The following KMT2C variants were observed in gnomAD, a reference collection of about 807,000 sequenced individuals.
KMT2C encodes the protein lysine methyltransferase 2C.
Under a neutral mutation model 507.9 loss-of-function variants are expected in KMT2C, and 88 were observed. The observed-to-expected ratio is 0.17, with a 90% CI of 0.15 to 0.21. The LOEUF is 0.21. KMT2C is among the 10% of genes least tolerant of loss of function. The pLI, the probability that KMT2C is intolerant of heterozygous loss-of-function variation, is 1.00. For missense variants in KMT2C, 4,954 were observed against 5,957.8 expected, an observed-to-expected ratio of 0.83 and a Z score of 5.55; for synonymous variants, 2,049 against 2,080.8, an observed-to-expected ratio of 0.98 and a Z score of 0.42.
chr7:152,181,067 A>G lies in KMT2C; in HGVS notation c.6793T>C (p.Leu2265=), dbSNP rs1445894444. ...GAACATGTATCAGGTGGCCTTACCA[A>G]CGGGCCAGGTAAAGCTGGTCCTCGG... ...QNRGPALPGP[L]VRPPDTCSQT... The change falls in exon 36 of 59, where the codon TTG becomes CTG. Residue 2265 remains leucine (L), a synonymous_variant. Coordinates refer to ENST00000262189, the MANE Select transcript of KMT2C (RefSeq NM_170606.3). The G allele has an allele frequency of 6.2e-7, 1 of 1,614,206 alleles. No individual in the cohort carries two copies. Among genetic ancestry groups the G allele is most frequent in the South Asian group, 1.1e-5 (1 of 91,080 alleles).
chr7:152,195,624 G>A (rs2093939047), intron 28 of KMT2C: 1 of 803,510 alleles, frequency 1.2e-6, no homozygotes, highest in African/African-American at 1.9e-5. Context: ...AGGAAGTGAG[G>A]GAAAATACAA....
intron 1 of KMT2C, among the ~76,000 whole-genome samples, chr7:152,389,374 A>G (rs1333645455): frequency 6.7e-6 from 1 of 150,206 alleles, no homozygotes; most frequent in African/African-American, 2.5e-5. Context: ...AAAAAAAAAT[A>G]CTGTCACTTA....
intron 2 of KMT2C, among the ~76,000 whole-genome samples, chr7:152,353,317 C>G (rs2097128312): frequency 6.6e-6 from 1 of 152,090 alleles, no homozygotes; most frequent in Non-Finnish European, 1.5e-5. Context: ...CCCAGCTACT[C>G]GGGAGGCTGA....
chr7:152,247,451 G>C (rs557596917), intron 14 of KMT2C, among the ~76,000 whole-genome samples: 1 of 152,218 alleles, frequency 6.6e-6, no homozygotes, highest in Non-Finnish European at 1.5e-5. Context: ...AAATTCCCCA[G>C]CATGGAAAAT....
chr7:152,140,699 G>T (rs540042448), intron 55 of KMT2C, among the ~76,000 whole-genome samples: 2 of 152,234 alleles, frequency 1.3e-5, no homozygotes, highest in East Asian at 3.9e-4. Flanking sequence ...CATTCTAGTC[G>T]GAATTACTAG....
chr7:152,223,708 C>T (rs1286458706), intron 20 of KMT2C, among the ~76,000 whole-genome samples: 3 of 152,048 alleles, frequency 2.0e-5, no homozygotes, highest in Admixed American at 6.5e-5. Context: ...GCAGGAGAAT[C>T]GCTTGAACCC....
intron 3 of KMT2C, among the ~76,000 whole-genome samples, chr7:152,316,864 T>G (rs1313846003): frequency 6.6e-6 from 1 of 151,974 alleles, no homozygotes; most frequent in African/African-American, 2.4e-5. Flanking sequence ...AAAAAGAAAA[T>G]TTCTTCTTTC....
intron 23 of KMT2C, among the ~76,000 whole-genome samples, chr7:152,209,647 A>G (rs1189938729): frequency 2.0e-5 from 3 of 151,642 alleles, no homozygotes; most frequent in African/African-American, 7.3e-5. Flanking sequence ...AGGTGGGAGA[A>G]GAGAATTGCT....
At chr7:152,306,436 A>G (rs2096616434) in intron 6 of KMT2C, among the ~76,000 whole-genome samples, 1 of 152,130 alleles carries the variant, frequency 6.6e-6, no homozygotes, top group South Asian at 2.1e-4. Flanking sequence ...CAGGTAACCA[A>G]TCTCTAGTTT....
intron 7 of KMT2C, among the ~76,000 whole-genome samples, chr7:152,265,625 G>C (rs1190252148): frequency 6.6e-6 from 1 of 151,942 alleles, no homozygotes; most frequent in Non-Finnish European, 1.5e-5. Context: ...AATATATTTT[G>C]AAATTACAAA....
chr7:152,315,827 C>G (rs1443405128), intron 3 of KMT2C, among the ~76,000 whole-genome samples: 1 of 152,002 alleles, frequency 6.6e-6, no homozygotes, highest in Non-Finnish European at 1.5e-5. Context: ...TGAGGCACCT[C>G]GCTTGTATCC....
chr7:152,378,792 C>T (rs2097348394), intron 1 of KMT2C, among the ~76,000 whole-genome samples: 1 of 152,150 alleles, frequency 6.6e-6, no homozygotes, highest in Admixed American at 6.5e-5. Flanking sequence ...CCAATATTTT[C>T]TTCACTCTGA....
At chr7:152,313,329 TA>T (rs924638186) in intron 4 of KMT2C, among the ~76,000 whole-genome samples, 2 of 151,934 alleles carry the variant, frequency 1.3e-5, no homozygotes, top group Non-Finnish European at 2.9e-5. Context: ...GAAAGGGGTG[TA>T]AAAAAACCAA....
At chr7:152,387,149 C>T (rs1054350558) in intron 1 of KMT2C, among the ~76,000 whole-genome samples, 1 of 151,984 alleles carries the variant, frequency 6.6e-6, no homozygotes, top group Non-Finnish European at 1.5e-5. Context: ...AGAGATCATA[C>T]TTCCTTACCC....
chr7:152,148,048 C>A lies in KMT2C; in HGVS notation c.13879G>T (p.Asp4627Tyr). 1 of 1,585,522 alleles carries A rather than the reference C, an allele frequency of 6.3e-7. No homozygotes were observed. Among genetic ancestry groups the A allele is most frequent in the South Asian group, 1.1e-5 (1 of 88,186 alleles). The change falls in exon 52 of 59, where the codon GAC becomes TAC. Residue 4627 changes from aspartate to tyrosine, a missense_variant. Asp to Tyr is a radical substitution (Grantham distance 160, BLOSUM62 -3). Around this residue, in one of 29 missense-constraint regions of KMT2C, gnomAD observed 221 missense variants for 304.7 expected, o/e 0.73. Transcript: ENST00000262189. This position sits in a 1 kb window ranked among gnomAD's most constrained non-coding sequence, Gnocchi z 7.1. ...EQGHEDLVLS[D>Y]ISPKGVWDKI... The stretch of plus-strand genomic sequence containing the variant: ...CAGACGTTACCTTTAGGTGAGATGT[C>A]ACTTAGAACCAGGTCTTCATGGCCT...
intron 49 of KMT2C, 55 bp downstream of exon 49, chr7:152,152,650 C>G (rs2129097324): frequency 6.3e-7 from 1 of 1,596,120 alleles, no homozygotes. Flanking sequence ...AAAGAGTAAG[C>G]TTAACTTTTG....
In KMT2C at chr7:152,413,982, C is replaced by T. The variant is rs530266698; in HGVS notation, c.161+21644G>A. Reference sequence around the variant, plus strand: ...ATCCCAACTCTCTGGGAGGCCAAGGCGGGCGGACCACTAGGTCAGAAATTC... The same window carrying T: ...ATCCCAACTCTCTGGGAGGCCAAGGTGGGCGGACCACTAGGTCAGAAATTC... On this transcript the variant is annotated intron_variant, in intron 1 of 58. Transcript: ENST00000262189. 7.3e-5 allele frequency among the ~76,000 whole-genome samples: 11 copies of T among 151,406 alleles called. No homozygotes were observed. In the South Asian group the frequency reaches 2.3e-3, roughly 32 times the overall value.
intron 24 of KMT2C, among the ~76,000 whole-genome samples, chr7:152,206,509 A>T (rs1455831212): frequency 6.6e-6 from 1 of 152,162 alleles, no homozygotes; most frequent in African/African-American, 2.4e-5. Flanking sequence ...TCTTCCTTCC[A>T]TATCAAAAGG....
At chr7:152,158,269 T>G (rs2092212232) in intron 44 of KMT2C, among the ~76,000 whole-genome samples, 1 of 152,256 alleles carries the variant, frequency 6.6e-6, no homozygotes, top group African/African-American at 2.4e-5. Flanking sequence ...TAGAACAGAA[T>G]TCACAATGTG....
Sources: allele counts gnomAD v4.1 joint callset (sites outside exome capture counted in the v4.1 genomes callset), GRCh38; gene constraint gnomAD v4.1.1; regional missense constraint gnomAD v4.1.1; non-coding constraint Gnocchi (gnomAD v3.1); transcripts MANE v1.5; gene names NCBI Gene and HGNC (gene_info 2026-07-23, HGNC 2026-07-21).